The following CD109 variants were observed in gnomAD, a reference collection of about 807,000 sequenced individuals.
The protein encoded by CD109 is CD109 molecule.
Under a neutral mutation model 165.8 loss-of-function variants are expected in CD109, and 149 were observed. The observed-to-expected ratio is 0.90, with a 90% CI of 0.79 to 1.03. CD109 has a LOEUF of 1.03. CD109 is among the 50% of genes least tolerant of loss of function. The probability of loss-of-function intolerance (pLI) is 0.00; values close to 1 mark genes in which losing one functional copy is unlikely to be tolerated. For missense variants in CD109, 1,712 were observed against 1,677.8 expected, an observed-to-expected ratio of 1.02 and a Z score of -0.36; for synonymous variants, 585 against 592.1, an observed-to-expected ratio of 0.99 and a Z score of 0.18.
Position 73,762,886 on chromosome 6 carries a change from T to G in CD109, c.997+4T>G. ...ACAGTGACAGAATCAGTTACAGGTTTGTAGACTTTAAAGTGGAGGTAAAAC... is the reference window on the plus strand; with the variant it reads ...ACAGTGACAGAATCAGTTACAGGTTGGTAGACTTTAAAGTGGAGGTAAAAC... On this transcript the variant is annotated splice_donor_region_variant and intron_variant, in intron 9 of 32. Coordinates refer to ENST00000287097, the MANE Select transcript of CD109 (RefSeq NM_133493.5). The G allele has an allele frequency of 6.2e-7, 1 of 1,602,018 alleles. No homozygotes were observed. Among genetic ancestry groups the G allele is most frequent in the Non-Finnish European group, 8.5e-7 (1 of 1,177,066 alleles).
intron 27 of CD109, 109 bp from the exon 28 acceptor site, chr6:73,810,883 C>A: frequency 9.4e-7 from 1 of 1,062,868 alleles, no homozygotes. Flanking sequence ...GGGAGCATTC[C>A]ACTCTGAAGG....
At chr6:73,813,262 T>C (rs1055665831) in intron 29 of CD109, among the ~76,000 whole-genome samples, 1 of 152,164 alleles carries the variant, frequency 6.6e-6, no homozygotes, top group African/African-American at 2.4e-5. Flanking sequence ...AAAATTCTCA[T>C]TCTCAAGCTG....
At position 73,787,452 on chromosome 6, in the gene CD109, G is replaced by T; in HGVS notation, c.2556G>T (p.Lys852Asn). ...CTGTCACCCAGATGATTTTAGTAAAGGTAAATATTTGATGTCTGAAAGAAG... is the reference window on the plus strand; with the variant it reads ...CTGTCACCCAGATGATTTTAGTAAATGTAAATATTTGATGTCTGAAAGAAG... ...SDAVTQMILV[K>N]AEGIEKSYSQ... The change falls in exon 21 of 33, where the codon AAG becomes AAT. Residue 852 changes from lysine to asparagine, a missense_variant and splice_region_variant. By Grantham distance (94) the Lys-to-Asn change is moderately conservative. Coordinates refer to ENST00000287097, the MANE Select transcript of CD109 (RefSeq NM_133493.5). The T allele has an allele frequency of 1.9e-6, 3 of 1,599,654 alleles. No individual in the cohort carries two copies. The highest frequency in any genetic ancestry group is 2.6e-6 in the Non-Finnish European group (3 of 1,170,146).
intron 23 of CD109, among the ~76,000 whole-genome samples, chr6:73,802,255 ATATGTGTGTGTGTG>A (rs1171201097): frequency 2.5e-5 from 3 of 118,268 alleles, no homozygotes; most frequent in African/African-American, 1.1e-4. Context: ...GAGCATGTGT[ATATGTGTGTGTGTG>A]TGTGTGTGTG....
chr6:73,703,533 G>T (rs182709763), intron 2 of CD109, among the ~76,000 whole-genome samples: 4 of 152,184 alleles, frequency 2.6e-5, no homozygotes, highest in Non-Finnish European at 4.4e-5. Flanking sequence ...ACAGATTGCA[G>T]TTTCCCAAAT....
chr6:73,776,252 T>C (rs543785015), intron 15 of CD109, among the ~76,000 whole-genome samples: 5 of 152,098 alleles, frequency 3.3e-5, no homozygotes, highest in African/African-American at 1.2e-4. Flanking sequence ...TGTGTGTTTT[T>C]ATTTTATTTT....
intron 7 of CD109, among the ~76,000 whole-genome samples, chr6:73,760,892 G>T (rs1195767705): frequency 6.6e-6 from 1 of 151,646 alleles, no homozygotes; most frequent in African/African-American, 2.4e-5. Context: ...GTGTGCGCTT[G>T]TCATCCCAGC....
intron 11 of CD109, 32 bp downstream of exon 11, chr6:73,766,186 C>A: frequency 1.3e-6 from 2 of 1,507,178 alleles, no homozygotes; most frequent in South Asian, 1.1e-5. Context: ...TGTGTCACTG[C>A]AACAACACCA....
chr6:73,744,473 T>C (rs1044053943), intron 5 of CD109, among the ~76,000 whole-genome samples: 1 of 152,208 alleles, frequency 6.6e-6, no homozygotes, highest in Non-Finnish European at 1.5e-5. Flanking sequence ...GATGAACCTG[T>C]GAGCTAATGG....
intron 2 of CD109, among the ~76,000 whole-genome samples, chr6:73,706,763 G>A (rs972353370): frequency 6.6e-6 from 1 of 152,116 alleles, no homozygotes; most frequent in Non-Finnish European, 1.5e-5. Context: ...AACCAGACTG[G>A]TAAAGAGCTT....
chr6:73,803,360 C>T, intron 24 of CD109, 59 bp downstream of exon 24: 1 of 1,255,452 alleles, frequency 8.0e-7, no homozygotes. Context: ...CACTAGGTCA[C>T]AATAGCCACG....
At chr6:73,820,869 T>A (rs1182246558) in intron 32 of CD109, among the ~76,000 whole-genome samples, 1 of 152,226 alleles carries the variant, frequency 6.6e-6, no homozygotes, top group African/African-American at 2.4e-5. Context: ...AGTCCAGTTA[T>A]GTCTCATTTG....
intron 23 of CD109, among the ~76,000 whole-genome samples, chr6:73,801,253 T>A (rs991751344): frequency 4.6e-5 from 7 of 152,248 alleles, no homozygotes; most frequent in Non-Finnish European, 1.0e-4. Context: ...CCGCTGAGTT[T>A]CAGTCTCATT....
chr6:73,771,329 A>C (rs1299372078), intron 14 of CD109, 100 bp from the exon 15 acceptor site: 5 of 898,634 alleles, frequency 5.6e-6, no homozygotes, highest in Non-Finnish European at 8.5e-6. Context: ...GCCAAGGCAA[A>C]TGTAGAATCT....
At chr6:73,807,691 C>G (rs1234471631) in intron 25 of CD109, among the ~76,000 whole-genome samples, 3 of 152,130 alleles carry the variant, frequency 2.0e-5, no homozygotes, top group Admixed American at 6.6e-5. Flanking sequence ...TTTTCCTATT[C>G]TACTAGTAGG....
intron 6 of CD109, among the ~76,000 whole-genome samples, chr6:73,758,135 T>A (rs1773468561): frequency 6.6e-6 from 1 of 152,120 alleles, no homozygotes; most frequent in Non-Finnish European, 1.5e-5. Context: ...AGTGTCTTGG[T>A]ACATTCAGGG....
chr6:73,707,237 G>A (rs1325711412), intron 2 of CD109, among the ~76,000 whole-genome samples: 3 of 152,166 alleles, frequency 2.0e-5, no homozygotes, highest in Admixed American at 6.5e-5. Context: ...TGAATGCTGC[G>A]AAGGATTCTG....
At chr6:73,799,558 G>C (rs912561495) in intron 23 of CD109, among the ~76,000 whole-genome samples, 1 of 152,128 alleles carries the variant, frequency 6.6e-6, no homozygotes, top group African/African-American at 2.4e-5. Context: ...AAGGTGAACT[G>C]GGAACAGGCA....
intron 5 of CD109, among the ~76,000 whole-genome samples, chr6:73,747,095 C>A (rs1773010114): frequency 6.6e-6 from 1 of 152,224 alleles, no homozygotes; most frequent in African/African-American, 2.4e-5. Context: ...TTCTTCACAT[C>A]TAAGACCAAT....
Sources: gnomAD v4.1 joint callset for allele counts (sites outside exome capture counted in the v4.1 genomes callset) on GRCh38, gnomAD v4.1.1 for gene constraint, MANE v1.5 for transcripts, NCBI Gene and HGNC (gene_info 2026-07-23, HGNC 2026-07-21) for gene names.